The following ERC1 variants were observed in gnomAD, a reference collection of about 807,000 sequenced individuals.
ERC1 encodes ELKS/RAB6-interacting/CAST family member 1.
ERC1 carries 56 observed loss-of-function variants against 132.0 expected under a neutral mutation model. The ratio of observed to expected loss-of-function variants is 0.42; its 90% CI spans 0.34 to 0.53. The LOEUF is 0.53. ERC1 is among the 20% of genes least tolerant of loss of function. ERC1 has a pLI of 0.03. For synonymous variants in ERC1, 478 were observed against 476.1 expected, an observed-to-expected ratio of 1.00 and a Z score of -0.05; for missense variants, 1,202 against 1,349.9, an observed-to-expected ratio of 0.89 and a Z score of 1.72.
chr12:1,203,591 C>T (rs1957106568), intron 12 of ERC1, among the ~76,000 whole-genome samples: 1 of 152,204 alleles, frequency 6.6e-6, no homozygotes. Flanking sequence ...TGCTTGCATT[C>T]AAGAAATAGA....
At chr12:1,045,221 G>A (rs1013833981) in intron 2 of ERC1, among the ~76,000 whole-genome samples, 1 of 152,034 alleles carries the variant, frequency 6.6e-6, no homozygotes, top group Non-Finnish European at 1.5e-5. Context: ...TCACTAAAAG[G>A]TATACTTTGC....
chr12:1,151,806 C>A (rs1484419021), intron 8 of ERC1: 1 of 152,230 alleles, frequency 6.6e-6, no homozygotes, highest in African/African-American at 2.4e-5. Flanking sequence ...CCAAGTAAGA[C>A]TAGGAGGCTT....
chr12:1,133,879 C>G (rs998785851), intron 7 of ERC1, among the ~76,000 whole-genome samples: 3 of 152,100 alleles, frequency 2.0e-5, no homozygotes, highest in Non-Finnish European at 4.4e-5. Flanking sequence ...TATTCAGATT[C>G]CATATGTAAG....
At chr12:1,217,276 C>G (rs1400140052) in intron 12 of ERC1, among the ~76,000 whole-genome samples, 1 of 152,182 alleles carries the variant, frequency 6.6e-6, no homozygotes, top group Non-Finnish European at 1.5e-5. Context: ...TGGCACAGTA[C>G]AGTCATAGCA....
intron 12 of ERC1, among the ~76,000 whole-genome samples, chr12:1,224,290 A>G (rs1238740399): frequency 6.6e-6 from 1 of 151,128 alleles, no homozygotes; most frequent in African/African-American, 2.4e-5. Context: ...CATACACAGG[A>G]CGAGAAGGTG....
chr12:1,022,878 A>G (rs1246281716), intron 1 of ERC1, among the ~76,000 whole-genome samples: 2 of 152,116 alleles, frequency 1.3e-5, no homozygotes, highest in African/African-American at 4.8e-5. Context: ...TTGGCCTCCC[A>G]AAGTGTTGGG....
intron 8 of ERC1, among the ~76,000 whole-genome samples, chr12:1,162,837 G>A (rs1212844930): frequency 6.6e-6 from 1 of 152,022 alleles, no homozygotes; most frequent in Admixed American, 6.6e-5. Context: ...ACTGTGTCAG[G>A]CCTAATTGAA....
At chr12:1,340,559 C>T (rs1373874629) in intron 15 of ERC1, among the ~76,000 whole-genome samples, 1 of 152,156 alleles carries the variant, frequency 6.6e-6, no homozygotes, top group East Asian at 1.9e-4. Context: ...TCGCTCATTC[C>T]CTCAGGGTCG....
At chr12:1,043,697 C>A (rs2154162003) in intron 2 of ERC1, among the ~76,000 whole-genome samples, 1 of 152,266 alleles carries the variant, frequency 6.6e-6, no homozygotes, top group Non-Finnish European at 1.5e-5. Context: ...GAGCCAAGAT[C>A]CTATAACTAA....
chr12:1,007,536 C>CTGTGTG (rs1422285139), intron 1 of ERC1, among the ~76,000 whole-genome samples: 11 of 61,364 alleles, frequency 1.8e-4, no homozygotes, highest in African/African-American at 2.2e-4. Context: ...CTCTCTCTCT[C>CTGTGTG]TCTCTGTGTG....
intron 1 of ERC1, among the ~76,000 whole-genome samples, chr12:1,010,166 G>A (rs1475474241): frequency 6.6e-6 from 1 of 152,110 alleles, no homozygotes; most frequent in Non-Finnish European, 1.5e-5. Context: ...GGAGGAAAAT[G>A]GACTTTTCCA....
chr12:1,029,947 C>G (rs1035461686), intron 2 of ERC1, among the ~76,000 whole-genome samples: 1 of 152,140 alleles, frequency 6.6e-6, no homozygotes, highest in South Asian at 2.1e-4. Context: ...GGGGTTTCAC[C>G]GTGTTGGCCA....
At chr12:1,140,648 GAAA>G (rs1209792218) in intron 7 of ERC1, among the ~76,000 whole-genome samples, 8 of 152,000 alleles carry the variant, frequency 5.3e-5, no homozygotes, top group African/African-American at 1.9e-4. Context: ...GTTCAGATAG[GAAA>G]AATAAGACAA....
chr12:1,169,651 C>A (rs748256033), intron 8 of ERC1, among the ~76,000 whole-genome samples: 2 of 152,116 alleles, frequency 1.3e-5, no homozygotes, highest in Non-Finnish European at 2.9e-5. Flanking sequence ...TCTTTCAACC[C>A]ATAAAAGTAG....
intron 18 of ERC1, among the ~76,000 whole-genome samples, chr12:1,489,200 G>C (rs903199567): frequency 1.3e-5 from 2 of 152,108 alleles, no homozygotes; most frequent in Admixed American, 6.5e-5. Context: ...GGCCAGGCCT[G>C]TCCCAGCCCC....
chr12:1,162,806 A>G (rs1295701717), intron 8 of ERC1, among the ~76,000 whole-genome samples: 1 of 152,164 alleles, frequency 6.6e-6, no homozygotes, highest in Non-Finnish European at 1.5e-5. Context: ...CCAGCTGTGA[A>G]GCAAGCTAAG....
chr12:1,313,127 A>G (rs1440798977), intron 15 of ERC1, among the ~76,000 whole-genome samples: 1 of 152,034 alleles, frequency 6.6e-6, no homozygotes, highest in Non-Finnish European at 1.5e-5. Context: ...CGCTATCCTT[A>G]GTATATGGCC....
intron 2 of ERC1, among the ~76,000 whole-genome samples, chr12:1,070,362 A>G (rs1940116414): frequency 6.6e-6 from 1 of 150,920 alleles, no homozygotes. Flanking sequence ...GTATAGTGGC[A>G]TGATCATGGT....
chr12:1,093,127 G>A lies in ERC1; in HGVS notation c.1086+9547G>A, dbSNP rs7299876. ...ATTAAAATGGCATTTGTAGCTATTA[G>A]TAGTAACATTTGTAATTAGTTTTAC... On this transcript the variant is annotated intron_variant, in intron 3 of 18. Coordinates refer to ENST00000360905, the MANE Select transcript of ERC1 (RefSeq NM_178040.4). 4.6e-3 allele frequency among the ~76,000 whole-genome samples: 699 copies of A among 151,860 alleles called. 3 individuals carry two copies. The highest frequency in any genetic ancestry group is 0.016 in the African/African-American group (677 of 41,504).
Sources: allele counts gnomAD v4.1 joint callset (sites outside exome capture counted in the v4.1 genomes callset), GRCh38; gene constraint gnomAD v4.1.1; transcripts MANE v1.5; gene names NCBI Gene and HGNC (gene_info 2026-07-23, HGNC 2026-07-21).